RALGAPA2: variants seen among roughly 807,000 people sequenced by gnomAD.
The protein encoded by RALGAPA2 is Ral GTPase activating protein catalytic subunit alpha 2, also known as ral GTPase-activating protein subunit alpha-2.
RALGAPA2 carries 139 observed loss-of-function variants against 230.4 expected under a neutral mutation model. That is an observed-to-expected ratio of 0.60 (90% CI 0.53 to 0.69). The LOEUF (loss-of-function observed/expected upper bound fraction) is 0.69, where lower values mean the gene tolerates loss of function less well. Ranked by LOEUF, RALGAPA2 falls within the 30% of genes least tolerant of loss-of-function variation. The pLI, the probability that RALGAPA2 is intolerant of heterozygous loss-of-function variation, is 0.00. For missense variants in RALGAPA2, 2,163 were observed against 2,276.0 expected, an observed-to-expected ratio of 0.95 and a Z score of 1.01; for synonymous variants, 847 against 837.8, an observed-to-expected ratio of 1.01 and a Z score of -0.19.
intron 38 of RALGAPA2, 148 bp downstream of exon 38, chr20:20,411,879 G>C (rs2060067637): frequency 2.8e-6 from 3 of 1,070,478 alleles, no homozygotes; most frequent in Admixed American, 5.1e-5. Flanking sequence ...TAAAATGAAT[G>C]TCATCATTCC....
chr20:20,585,926 AAAAG>A (rs2065121233), intron 18 of RALGAPA2, among the ~76,000 whole-genome samples: 1 of 152,238 alleles, frequency 6.6e-6, no homozygotes, highest in African/African-American at 2.4e-5. Flanking sequence ...AAAAAAAATT[AAAAG>A]AAAGAATAAT....
At chr20:20,599,988 T>TA (rs574515647) in intron 16 of RALGAPA2, among the ~76,000 whole-genome samples, 44 of 140,242 alleles carry the variant, frequency 3.1e-4, no homozygotes, top group Admixed American at 8.6e-4. Flanking sequence ...AAATAAAAAA[T>TA]AAAAAAAAAA....
At chr20:20,443,560 A>G (rs2060789964) in intron 37 of RALGAPA2, among the ~76,000 whole-genome samples, 1 of 152,168 alleles carries the variant, frequency 6.6e-6, no homozygotes, top group Admixed American at 6.5e-5. Flanking sequence ...AGCCACCTCA[A>G]TCTTCCAGCA....
At chr20:20,470,162 T>A (rs2061506836) in intron 37 of RALGAPA2, among the ~76,000 whole-genome samples, 1 of 152,220 alleles carries the variant, frequency 6.6e-6, no homozygotes, top group Non-Finnish European at 1.5e-5. Flanking sequence ...TGCTTTGATA[T>A]TGATTCTAAC....
intron 37 of RALGAPA2, among the ~76,000 whole-genome samples, chr20:20,440,619 G>A (rs552148105): frequency 3.3e-5 from 5 of 152,286 alleles, no homozygotes; most frequent in Admixed American, 6.5e-5. Flanking sequence ...GAAAGCCCGC[G>A]CTCTGGTTGG....
In RALGAPA2 at chr20:20,531,693, A is replaced by C. The variant is rs2063371419; in HGVS notation, c.3576T>G (p.Thr1192=). The part of the protein sequence containing the change: ...VKEAINVIGV[T]LKFPNKIVAQ... ...CACCACAAACTGGTAATACCTTCAG[A>C]GTTACTCCTATCACATTGATGGCCT... Residue 1192 remains threonine (T), a synonymous_variant, in exon 27 of 40, where the codon ACT becomes ACG. Transcript: ENST00000202677. The C allele has an allele frequency of 6.3e-7, 1 of 1,599,754 alleles. No individual in the cohort carries two copies. Among genetic ancestry groups the C allele is most frequent in the African/African-American group, 1.3e-5 (1 of 74,756 alleles).
In RALGAPA2 at chr20:20,707,575, T is replaced by C. The variant is rs80173477; in HGVS notation, c.106+4800A>G. ...ACAACAGTTACAACTGTAAGTCAAT[T>C]TGTTCCTACCTAGAGCAACATGAGC... On this transcript the variant is annotated intron_variant, in intron 1 of 39. Transcript: ENST00000202677. 7.0e-3 allele frequency among the ~76,000 whole-genome samples: 1,063 copies of C among 152,320 alleles called. 12 individuals are homozygous for C. The highest frequency in any genetic ancestry group is 0.024 in the African/African-American group (1,006 of 41,560).
At chr20:20,629,099 T>C (rs944091179) in intron 10 of RALGAPA2, among the ~76,000 whole-genome samples, 1 of 152,138 alleles carries the variant, frequency 6.6e-6, no homozygotes, top group African/African-American at 2.4e-5. Flanking sequence ...ATGAAAGTAT[T>C]TGTCTCATGA....
intron 13 of RALGAPA2, 126 bp downstream of exon 13, chr20:20,615,917 G>A (rs1317902165): frequency 7.1e-6 from 5 of 706,114 alleles, no homozygotes; most frequent in Non-Finnish European, 1.1e-5. Flanking sequence ...CACAGAAACT[G>A]TTACAAAAGA....
intron 23 of RALGAPA2, 138 bp from the exon 24 acceptor site, chr20:20,546,970 T>C: frequency 1.1e-6 from 1 of 919,664 alleles, no homozygotes; most frequent in Non-Finnish European, 1.5e-6. Context: ...GTGAAAGGGA[T>C]ATTGGAAACA....
intron 24 of RALGAPA2, among the ~76,000 whole-genome samples, chr20:20,541,306 A>G (rs1440402924): frequency 6.6e-6 from 1 of 152,170 alleles, no homozygotes; most frequent in African/African-American, 2.4e-5. Context: ...ACCAAACCCT[A>G]TATACACTAT....
intron 20 of RALGAPA2, among the ~76,000 whole-genome samples, chr20:20,579,021 T>C (rs1177276462): frequency 6.6e-6 from 1 of 152,190 alleles, no homozygotes; most frequent in Non-Finnish European, 1.5e-5. Context: ...ATATAGGCGA[T>C]GACAGAGAAT....
chr20:20,450,879 A>C (rs1042450271), intron 37 of RALGAPA2, among the ~76,000 whole-genome samples: 2 of 152,238 alleles, frequency 1.3e-5, no homozygotes, highest in African/African-American at 4.8e-5. Flanking sequence ...CCAAGAGTTC[A>C]GGCTCAGCAG....
chr20:20,534,589 T>C (rs1419943120), intron 26 of RALGAPA2, among the ~76,000 whole-genome samples: 1 of 151,948 alleles, frequency 6.6e-6, no homozygotes, highest in Admixed American at 6.6e-5. Context: ...AAAACCTTAA[T>C]AGTCCTAAAA....
At chr20:20,466,748 A>C (rs779802088) in intron 37 of RALGAPA2, among the ~76,000 whole-genome samples, 1 of 152,080 alleles carries the variant, frequency 6.6e-6, no homozygotes, top group Non-Finnish European at 1.5e-5. Flanking sequence ...CTCATCTCCA[A>C]TCTGTGGCCA....
At chr20:20,697,269 G>T (rs1379977781) in intron 1 of RALGAPA2, among the ~76,000 whole-genome samples, 2 of 152,138 alleles carry the variant, frequency 1.3e-5, no homozygotes, top group Non-Finnish European at 2.9e-5. Context: ...GAGCAAGGCT[G>T]CAGTGAGCTG....
rs145802079 is a variant in RALGAPA2 at position 20,620,621 on chromosome 20, A to G, written c.1243T>C (p.Leu415=). 5.0e-6 allele frequency: 8 copies of G among 1,608,964 alleles called. No homozygotes were observed. The highest frequency in any genetic ancestry group is 6.8e-6 in the Non-Finnish European group (8 of 1,177,988). Residue 415 remains leucine (L), a synonymous_variant, in exon 11 of 40, where the codon TTG becomes CTG. Coordinates refer to ENST00000202677, the MANE Select transcript of RALGAPA2 (RefSeq NM_020343.4). ...GTTACAGCTATCTCACAGGAAGGCAACAAAAATGCCTGAAAGGAAAAGAGA... is the reference window on the plus strand; with the variant it reads ...GTTACAGCTATCTCACAGGAAGGCAGCAAAAATGCCTGAAAGGAAAAGAGA... ...VNEVFHQAFL[L]PSCEIAVTRK... is the part of the protein sequence containing the mutation.
intron 14 of RALGAPA2, among the ~76,000 whole-genome samples, chr20:20,610,313 G>A (rs1568645821): frequency 6.6e-6 from 1 of 152,198 alleles, no homozygotes; most frequent in East Asian, 1.9e-4. Flanking sequence ...AAACTCTAAG[G>A]TCCTCATAAA....
intron 23 of RALGAPA2, among the ~76,000 whole-genome samples, chr20:20,570,777 T>A (rs1408178183): frequency 1.3e-5 from 2 of 152,156 alleles, no homozygotes; most frequent in African/African-American, 4.8e-5. Flanking sequence ...ATCAATCACA[T>A]CACTTGCCTG....
Sources: allele counts gnomAD v4.1 joint callset (sites outside exome capture counted in the v4.1 genomes callset), GRCh38; gene constraint gnomAD v4.1.1; transcripts MANE v1.5; gene names NCBI Gene and HGNC (gene_info 2026-07-23, HGNC 2026-07-21).